Variants in STK32B observed in about 807,000 individuals in gnomAD.
STK32B encodes serine/threonine-protein kinase 32B.
STK32B carries 43 observed loss-of-function variants against 52.6 expected under a neutral mutation model. The observed-to-expected ratio is 0.82, with a 90% confidence interval of 0.64 to 1.05. STK32B has a LOEUF of 1.05. STK32B is among the 50% of genes least tolerant of loss of function. The probability of loss-of-function intolerance (pLI) is 0.00; values close to 1 mark genes in which losing one functional copy is unlikely to be tolerated. For synonymous variants in STK32B, 238 were observed against 204.3 expected, an observed-to-expected ratio of 1.17 and a Z score of -1.41; for missense variants, 621 against 534.6, an observed-to-expected ratio of 1.16 and a Z score of -1.59.
chr4:5,277,246 C>T (rs1727883391), intron 3 of STK32B, among the ~76,000 whole-genome samples: 1 of 152,246 alleles, frequency 6.6e-6, no homozygotes, highest in South Asian at 2.1e-4. Context: ...TTGGCTTCAA[C>T]ATGCCTCCTT....
At position 5,466,843 on chromosome 4, in the gene STK32B, T is replaced by G; in HGVS notation, c.1041+9T>G. On this transcript the variant is annotated intron_variant, in intron 10 of 11. Transcript: ENST00000282908. ...AGGACAGCTGCCCGCTGGTGAGTGC[T>G]TCGTGGGAGCCGTTCCGGGAGAGAA... 6.2e-7 allele frequency: 1 copy of G among 1,611,652 alleles called. No homozygotes were observed.
intron 7 of STK32B, among the ~76,000 whole-genome samples, chr4:5,455,482 C>T (rs1716420967): frequency 6.6e-6 from 1 of 152,230 alleles, no homozygotes; most frequent in African/African-American, 2.4e-5. Flanking sequence ...AAGGGGAGTT[C>T]ATTCCCAACT....
At chr4:5,454,318 C>G (rs564502035) in intron 7 of STK32B, among the ~76,000 whole-genome samples, 163 of 152,142 alleles carry the variant, frequency 1.1e-3, no homozygotes, top group African/African-American at 3.9e-3. Context: ...TTCTGAAGGC[C>G]AGAAGTCTGA....
At chr4:5,498,692 TA>T (rs1406882566) in intron 11 of STK32B, among the ~76,000 whole-genome samples, 6 of 152,254 alleles carry the variant, frequency 3.9e-5, no homozygotes, top group African/African-American at 1.4e-4. Flanking sequence ...TGGGAATTAT[TA>T]TCTCCATTCT....
intron 4 of STK32B, among the ~76,000 whole-genome samples, chr4:5,343,960 A>G (rs1227467716): frequency 2.0e-5 from 3 of 152,200 alleles, no homozygotes; most frequent in East Asian, 1.9e-4. Flanking sequence ...TTTAATATAT[A>G]AAGTAGTGCT....
chr4:5,477,201 C>T (rs922362480), intron 11 of STK32B, among the ~76,000 whole-genome samples: 1 of 152,090 alleles, frequency 6.6e-6, no homozygotes, highest in African/African-American at 2.4e-5. Flanking sequence ...TTAAGCATGG[C>T]TATTATTATC....
At chr4:5,340,328 G>T (rs983307762) in intron 4 of STK32B, among the ~76,000 whole-genome samples, 2 of 152,236 alleles carry the variant, frequency 1.3e-5, no homozygotes, top group Admixed American at 1.3e-4. Context: ...CAGGGGCCGA[G>T]TTGGCAAGTA....
intron 3 of STK32B, among the ~76,000 whole-genome samples, chr4:5,325,062 A>G (rs1034172543): frequency 6.6e-6 from 1 of 152,190 alleles, no homozygotes; most frequent in African/African-American, 2.4e-5. Flanking sequence ...TGGTATGAAG[A>G]AAGTTCATCC....
intron 1 of STK32B, among the ~76,000 whole-genome samples, chr4:5,090,180 A>G (rs939095486): frequency 2.6e-4 from 39 of 150,552 alleles, no homozygotes; most frequent in African/African-American, 9.4e-4. Flanking sequence ...CTCTGATGCT[A>G]GTTTCTTTTG....
chr4:5,340,860 C>T (rs1305025976), intron 4 of STK32B, among the ~76,000 whole-genome samples: 1 of 152,146 alleles, frequency 6.6e-6, no homozygotes, highest in African/African-American at 2.4e-5. Context: ...ATAATAGACA[C>T]ACTCACATAC....
intron 3 of STK32B, among the ~76,000 whole-genome samples, chr4:5,192,582 T>C (rs1189096128): frequency 1.3e-5 from 2 of 152,146 alleles, no homozygotes; most frequent in African/African-American, 4.8e-5. Flanking sequence ...TTTTCCAGCT[T>C]TATTAAAGTA....
At chr4:5,145,462 T>C (rs980684142) in intron 2 of STK32B, among the ~76,000 whole-genome samples, 1 of 152,154 alleles carries the variant, frequency 6.6e-6, no homozygotes, top group Non-Finnish European at 1.5e-5. Flanking sequence ...TACCAAAATA[T>C]AGAATATCAC....
At chr4:5,212,941 G>T (rs577405941) in intron 3 of STK32B, among the ~76,000 whole-genome samples, 1 of 152,032 alleles carries the variant, frequency 6.6e-6, no homozygotes, top group Non-Finnish European at 1.5e-5. Flanking sequence ...TGCTCTCTGC[G>T]CTTTCTGGTT....
chr4:5,434,454 GTATA>G (rs5855854), intron 6 of STK32B, among the ~76,000 whole-genome samples: 56 of 131,248 alleles, frequency 4.3e-4, no homozygotes, highest in Middle Eastern at 4.0e-3. Context: ...GTGTGTGTGT[GTATA>G]TATATATATA....
At chr4:5,403,818 C>T (rs1737474575) in intron 5 of STK32B, among the ~76,000 whole-genome samples, 1 of 151,966 alleles carries the variant, frequency 6.6e-6, no homozygotes, top group Admixed American at 6.6e-5. Context: ...GATTTGGGGA[C>T]TGTAGCAGTT....
In STK32B at chr4:5,500,270, C is replaced by T. The variant is rs1300908854; in HGVS notation, c.*1187C>T. 6.6e-6 allele frequency: 1 copy of T among 152,144 alleles called. No homozygotes were observed. The highest frequency in any genetic ancestry group is 2.4e-5 in the African/African-American group (1 of 41,422). 9.4% of individuals were successfully genotyped at this position (152,144 alleles called of 1,614,324 possible). Reference sequence around the variant, plus strand: ...TGCAATCGCTCTGAATGGCAGTTTCCTCATTTTTAAACAGGGATAATAAAA... The same window carrying T: ...TGCAATCGCTCTGAATGGCAGTTTCTTCATTTTTAAACAGGGATAATAAAA... On this transcript the variant is annotated 3_prime_UTR_variant, in exon 12 of 12. Coordinates refer to ENST00000282908, the MANE Select transcript of STK32B (RefSeq NM_018401.3).
intron 3 of STK32B, among the ~76,000 whole-genome samples, chr4:5,175,895 C>A (rs1257354296): frequency 2.0e-5 from 3 of 152,250 alleles, no homozygotes; most frequent in African/African-American, 2.4e-5. Flanking sequence ...GCCCTGCCCC[C>A]AGAGGTGGAG....
chr4:5,335,055 C>T (rs1438069598), intron 4 of STK32B, among the ~76,000 whole-genome samples: 6 of 150,304 alleles, frequency 4.0e-5, no homozygotes, highest in African/African-American at 1.5e-4. Flanking sequence ...AGGAATGGTA[C>T]CAGTTCCTCC....
chr4:5,495,574 C>T (rs1478285724), intron 11 of STK32B, among the ~76,000 whole-genome samples: 3 of 152,234 alleles, frequency 2.0e-5, no homozygotes, highest in African/African-American at 4.8e-5. Flanking sequence ...CTTCTCTCAA[C>T]TCGTCAAAGT....
Sources: gnomAD v4.1 joint callset for allele counts (sites outside exome capture counted in the v4.1 genomes callset) on GRCh38, gnomAD v4.1.1 for gene constraint, MANE v1.5 for transcripts, NCBI Gene and HGNC (gene_info 2026-07-23, HGNC 2026-07-21) for gene names.